Variants in CDH13 observed in about 807,000 individuals in gnomAD.
CDH13 encodes cadherin 13, also known as cadherin-13.
A neutral mutation model predicts 63.8 loss-of-function variants in CDH13; 24 were observed. The ratio of observed to expected loss-of-function variants is 0.38; its 90% CI spans 0.27 to 0.53. CDH13 has a LOEUF of 0.53. Ranked by LOEUF, CDH13 falls within the 20% of genes least tolerant of loss-of-function variation. CDH13 has a pLI of 0.85. For missense variants in CDH13, 1,049 were observed against 903.1 expected (o/e 1.16, Z -2.07); for synonymous variants, 503 against 355.3 (o/e 1.42, Z -4.67).
At chr16:82,898,152 A>G (rs2041332412) in intron 2 of CDH13, among the ~76,000 whole-genome samples, 2 of 152,270 alleles carry the variant, frequency 1.3e-5, no homozygotes, top group African/African-American at 2.4e-5. Flanking sequence ...TTTTGGTCAT[A>G]TAATGTTAAA....
intron 2 of CDH13, among the ~76,000 whole-genome samples, chr16:82,889,029 A>T (rs996581393): frequency 6.6e-6 from 1 of 152,180 alleles, no homozygotes; most frequent in Non-Finnish European, 1.5e-5. Context: ...TATAATCATT[A>T]TTGTGGCTGA....
chr16:82,804,857 A>G (rs1046367672), intron 1 of CDH13, among the ~76,000 whole-genome samples: 9 of 152,206 alleles, frequency 5.9e-5, no homozygotes, highest in Admixed American at 3.9e-4. Context: ...TAGAGAAATA[A>G]TCTAAGGGTT....
At chr16:83,006,900 T>TG (rs5818418) in intron 2 of CDH13, among the ~76,000 whole-genome samples, 51,155 of 114,384 alleles carry the variant, frequency 0.45, 10,759 homozygotes, top group Non-Finnish European at 0.48. Flanking sequence ...CCAGTTTTGA[T>TG]TTTTTTTGTT....
At chr16:82,919,989 G>T (rs12103152) in intron 2 of CDH13, among the ~76,000 whole-genome samples, 1 of 152,300 alleles carries the variant, frequency 6.6e-6, no homozygotes, top group East Asian at 1.9e-4. Flanking sequence ...GAGTAATATC[G>T]AGATCAAAAT....
At chr16:82,970,069 T>C (rs1031807842) in intron 2 of CDH13, among the ~76,000 whole-genome samples, 2 of 152,146 alleles carry the variant, frequency 1.3e-5, no homozygotes, top group African/African-American at 4.8e-5. Flanking sequence ...GTATTTCTCC[T>C]AATGCTATCC....
intron 7 of CDH13, among the ~76,000 whole-genome samples, chr16:83,554,975 C>A (rs952789784): frequency 7.0e-6 from 1 of 142,218 alleles, no homozygotes; most frequent in Non-Finnish European, 1.5e-5. Flanking sequence ...TAGGTTGATG[C>A]TTCCTGAGGC....
At chr16:83,343,612 A>G (rs2090775743) in intron 5 of CDH13, among the ~76,000 whole-genome samples, 1 of 152,198 alleles carries the variant, frequency 6.6e-6, no homozygotes, top group Non-Finnish European at 1.5e-5. Context: ...TTATAACAAG[A>G]ATGTTTGTCT....
At chr16:83,568,029 A>T (rs1218197646) in intron 7 of CDH13, among the ~76,000 whole-genome samples, 1 of 152,114 alleles carries the variant, frequency 6.6e-6, no homozygotes, top group Non-Finnish European at 1.5e-5. Context: ...CTTCACCTCC[A>T]AACCCAGCTC....
chr16:82,858,797 C>T (rs911809118), intron 2 of CDH13: 3 of 385,194 alleles, frequency 7.8e-6, no homozygotes, highest in African/African-American at 6.1e-5. Context: ...GGCAGATCCC[C>T]AAAATCAAAA....
Position 83,328,132 on chromosome 16 carries a change from AAAAAAAG to A in CDH13, c.637-16724_637-16718del, listed in dbSNP as rs1597757770. ...CAGGAGACAGTATTGTCAAAAAAAA[AAAAAAAG>A]AAAAAGAAAAAAAATTGAGACCTCT... On this transcript the variant is annotated intron_variant, in intron 5 of 13. Coordinates refer to ENST00000567109, the MANE Select transcript of CDH13 (RefSeq NM_001257.5). Among the ~76,000 whole-genome samples, 4 of 135,654 alleles carry A rather than the reference AAAAAAAG, an allele frequency of 2.9e-5. No individual in the cohort carries two copies. In the East Asian group the frequency reaches 8.9e-4, roughly 30 times the overall value. 89.0% of individuals were successfully genotyped at this position (135,654 alleles called of 152,430 possible).
intron 6 of CDH13, among the ~76,000 whole-genome samples, chr16:83,364,938 G>A (rs1176175031): frequency 6.6e-6 from 1 of 152,108 alleles, no homozygotes; most frequent in Non-Finnish European, 1.5e-5. Flanking sequence ...AGGAGGGAGA[G>A]AATTAGGACA....
chr16:82,983,370 C>G (rs1016980333), intron 2 of CDH13, among the ~76,000 whole-genome samples: 1 of 152,104 alleles, frequency 6.6e-6, no homozygotes, highest in African/African-American at 2.4e-5. Context: ...AATAATTGGT[C>G]TTCAATTTTA....
intron 8 of CDH13, among the ~76,000 whole-genome samples, chr16:83,665,808 A>G (rs1047764952): frequency 6.6e-6 from 1 of 152,124 alleles, no homozygotes; most frequent in African/African-American, 2.4e-5. Flanking sequence ...TCCATCTTCC[A>G]TGTTAATCTA....
intron 5 of CDH13, among the ~76,000 whole-genome samples, chr16:83,225,225 C>A (rs546734985): frequency 6.6e-6 from 1 of 152,260 alleles, no homozygotes; most frequent in South Asian, 2.1e-4. Flanking sequence ...GGCAGCTGAC[C>A]TGATCACTAA....
intron 7 of CDH13, among the ~76,000 whole-genome samples, chr16:83,521,439 C>G (rs555697010): frequency 2.0e-5 from 3 of 152,246 alleles, no homozygotes; most frequent in South Asian, 2.1e-4. Flanking sequence ...TAGCAGGTTC[C>G]TTAATAGTGT....
intron 2 of CDH13, among the ~76,000 whole-genome samples, chr16:82,937,178 GT>G (rs2042695567): frequency 6.6e-6 from 1 of 152,124 alleles, no homozygotes; most frequent in Admixed American, 6.5e-5. Flanking sequence ...CTGCTGCATT[GT>G]TTTGCTTTTT....
intron 5 of CDH13, among the ~76,000 whole-genome samples, chr16:83,292,611 C>T (rs1488883801): frequency 6.6e-6 from 1 of 152,072 alleles, no homozygotes; most frequent in Non-Finnish European, 1.5e-5. Flanking sequence ...AGATGAGGCC[C>T]ATCACACACT....
At chr16:83,176,861 G>A (rs1035116478) in intron 4 of CDH13, among the ~76,000 whole-genome samples, 1 of 152,076 alleles carries the variant, frequency 6.6e-6, no homozygotes, top group Non-Finnish European at 1.5e-5. Context: ...AAGTCTGAGC[G>A]AGCCCTTAGT....
At chr16:83,011,149 G>A (rs1914112390) in intron 2 of CDH13, among the ~76,000 whole-genome samples, 1 of 152,156 alleles carries the variant, frequency 6.6e-6, no homozygotes, top group Non-Finnish European at 1.5e-5. Context: ...AAAGTAGTAA[G>A]GGGTGTGAGC....
Sources: gnomAD v4.1 joint callset for allele counts (sites outside exome capture counted in the v4.1 genomes callset) on GRCh38, gnomAD v4.1.1 for gene constraint, MANE v1.5 for transcripts, NCBI Gene and HGNC (gene_info 2026-07-23, HGNC 2026-07-21) for gene names.